The following CLTCL1 variants were observed in gnomAD, a reference collection of about 807,000 sequenced individuals.
CLTCL1 encodes the protein clathrin heavy chain like 1.
Under a neutral mutation model 190.0 loss-of-function variants are expected in CLTCL1, and 159 were observed. The observed-to-expected ratio is 0.84, with a 90% confidence interval of 0.74 to 0.95. The LOEUF (loss-of-function observed/expected upper bound fraction) is 0.95. Ranked by LOEUF, CLTCL1 falls within the 40% of genes least tolerant of loss-of-function variation. The probability of loss-of-function intolerance (pLI) is 0.00; values close to 1 mark genes in which losing one functional copy is unlikely to be tolerated. For synonymous variants in CLTCL1, 752 were observed against 769.6 expected (o/e 0.98, Z 0.38); for missense variants, 1,878 against 2,033.4 (o/e 0.92, Z 1.47).
chr22:19,288,244 T>C (rs1200464482), intron 1 of CLTCL1, among the ~76,000 whole-genome samples: 2 of 152,176 alleles, frequency 1.3e-5, no homozygotes, highest in Non-Finnish European at 2.9e-5. Context: ...GATGCTGGCA[T>C]ATTGTTATTA....
At chr22:19,256,410 G>A (rs2086759366) in intron 2 of CLTCL1, among the ~76,000 whole-genome samples, 1 of 127,118 alleles carries the variant, frequency 7.9e-6, no homozygotes, top group African/African-American at 3.0e-5. Flanking sequence ...AGGCTGGAGT[G>A]CAGTGGCATC....
chr22:19,258,636 G>A, intron 2 of CLTCL1: 1 of 633,732 alleles, frequency 1.6e-6, no homozygotes. Context: ...CAATCTGGAG[G>A]CTGAGATCAC....
At chr22:19,238,606 G>A (rs1390711149) in intron 5 of CLTCL1, 3 of 207,648 alleles carry the variant, frequency 1.4e-5, no homozygotes, top group East Asian at 1.1e-4. Context: ...AGGTCTCATA[G>A]CACGAACTCC....
chr22:19,229,905 T>G lies in CLTCL1; in HGVS notation c.1715A>C (p.Asn572Thr). ...CTSFLLDALK[N>T]NRPAEGLLQT... ...CAGGAGTCCCTCAGCTGGGCGATTA[T>G]TCTTCAAGGCATCCAATAAGAAGGA... The change falls in exon 11 of 33, where the codon AAT (asparagine) becomes ACT (threonine). Residue 572 changes from asparagine to threonine, a missense_variant. Asn to Thr is a moderately conservative substitution (Grantham distance 65, BLOSUM62 0). Transcript: ENST00000427926. The G allele has an allele frequency of 1.9e-6, 3 of 1,611,940 alleles. No homozygotes were observed. In the East Asian group the frequency reaches 6.7e-5, roughly 36 times the overall value.
chr22:19,225,760 G>A, intron 12 of CLTCL1, 127 bp from the exon 13 acceptor site: 1 of 885,368 alleles, frequency 1.1e-6, no homozygotes. Flanking sequence ...CACATAAAGG[G>A]GTTGAAAAGC....
chr22:19,261,678 G>A lies in CLTCL1; in HGVS notation c.251-7451C>T, dbSNP rs529119949. Among the ~76,000 whole-genome samples the A allele has an allele frequency of 3.4e-4, 52 of 152,320 alleles. 1 individual carries two copies. In the South Asian group the frequency reaches 0.011, roughly 32 times the overall value. ...GGTAGAAACAGCAAGAGAATTAGAAGTGGAGCCTGAAGATGGGACTGAATT... is the reference window on the plus strand; with the variant it reads ...GGTAGAAACAGCAAGAGAATTAGAAATGGAGCCTGAAGATGGGACTGAATT... On this transcript the variant is annotated intron_variant, in intron 2 of 32. Coordinates refer to ENST00000427926, the MANE Select transcript of CLTCL1 (RefSeq NM_007098.4).
rs2084349589 is a variant in CLTCL1 at position 19,187,442 on chromosome 22, C to T, written c.4605+116G>A. 1.2e-5 allele frequency: 12 copies of T among 1,031,856 alleles called. No individual in the cohort carries two copies. The South Asian group carries it at 1.7e-4, about 15-fold the overall frequency. The allele number at this position is 1,031,856 out of a possible 1,614,324, so 63.9% of individuals were successfully genotyped here. On this transcript the variant is annotated intron_variant, in intron 29 of 32. Coordinates refer to ENST00000427926, the MANE Select transcript of CLTCL1 (RefSeq NM_007098.4). ...ATCCCCCCACCCACCACGAGGATCCCCTGGTGAAGCTCAGAGCCAGGTCTC... is the reference window on the plus strand; with the variant it reads ...ATCCCCCCACCCACCACGAGGATCCTCTGGTGAAGCTCAGAGCCAGGTCTC...
Position 19,223,740 on chromosome 22 carries a change from T to C in CLTCL1, c.2292+151A>G. 3 of 823,270 alleles carry C rather than the reference T, an allele frequency of 3.6e-6. No homozygotes were observed. In the South Asian group the frequency reaches 5.3e-5, roughly 15 times the overall value. The allele number at this position is 823,270 out of a possible 1,614,324, so 51.0% of individuals were successfully genotyped here. A position where few individuals can be genotyped will look rare whatever the true frequency, so the allele number is the denominator to read the frequency against. On this transcript the variant is annotated intron_variant, in intron 14 of 32. Transcript: ENST00000427926. ...AACGATAGAAGGGTTACTTTAGAAC[T>C]TTAAGCCATAAAGTGGAGCTCTGTC...
At chr22:19,267,631 C>T (rs1233306445) in intron 2 of CLTCL1, among the ~76,000 whole-genome samples, 12 of 152,156 alleles carry the variant, frequency 7.9e-5, no homozygotes, top group Admixed American at 5.9e-4. Context: ...CAGTGGCTCA[C>T]ACCTGTAATC....
In CLTCL1 at chr22:19,222,129, A is replaced by T. The variant is rs1173190430; in HGVS notation, c.2419-36T>A. 1.9e-6 allele frequency: 3 copies of T among 1,609,716 alleles called. No homozygotes were observed. In the African/African-American group the frequency reaches 4.0e-5, roughly 22 times the overall value. ...CAAGGTCAAGTAACTTCAGTGTTGC[A>T]AACACAAGTTATTGTTAGAAGCCTC... On this transcript the variant is annotated intron_variant, in intron 15 of 32. Coordinates refer to ENST00000427926, the MANE Select transcript of CLTCL1 (RefSeq NM_007098.4).
intron 22 of CLTCL1, among the ~76,000 whole-genome samples, chr22:19,202,372 T>A (rs905508844): frequency 4.6e-5 from 7 of 150,610 alleles, no homozygotes; most frequent in African/African-American, 1.7e-4. Context: ...ACTTCCGCCA[T>A]CCACAGCACC....
chr22:19,199,473 A>G (rs1478557994), intron 24 of CLTCL1, among the ~76,000 whole-genome samples: 3 of 152,190 alleles, frequency 2.0e-5, no homozygotes, highest in Admixed American at 6.5e-5. Context: ...GGGCTTCTGA[A>G]GGCCCAATAA....
rs570944576 is a variant in CLTCL1 at position 19,235,982 on chromosome 22, T to A, written c.796-113A>T. The A allele has an allele frequency of 9.5e-6, 9 of 951,022 alleles. No homozygotes were observed. In the South Asian group the frequency reaches 1.3e-4, roughly 14 times the overall value. 58.9% of individuals were successfully genotyped at this position (951,022 alleles called of 1,614,324 possible). On this transcript the variant is annotated intron_variant, in intron 5 of 32. Coordinates refer to ENST00000427926, the MANE Select transcript of CLTCL1 (RefSeq NM_007098.4). ...TTGTTTGTTTGTTTGTTTTTTGAGA[T>A]AGGGTCGTGCTCTGTCACCCAGGCT...
chr22:19,215,790 C>T (rs1417275874), intron 19 of CLTCL1, among the ~76,000 whole-genome samples: 5 of 152,214 alleles, frequency 3.3e-5, no homozygotes, highest in Non-Finnish European at 7.3e-5. Flanking sequence ...TTCAACACAT[C>T]CTTAGGCCAC....
intron 13 of CLTCL1, among the ~76,000 whole-genome samples, chr22:19,225,196 C>T (rs1297733663): frequency 6.6e-6 from 1 of 152,184 alleles, no homozygotes; most frequent in Non-Finnish European, 1.5e-5. Flanking sequence ...GTAGACACAC[C>T]GGGCTCCATA....
Position 19,222,729 on chromosome 22 carries a change from T to C in CLTCL1, c.2373A>G (p.Leu791=). The C allele has an allele frequency of 6.3e-7, 1 of 1,596,850 alleles. No individual in the cohort carries two copies. The highest frequency in any genetic ancestry group is 8.5e-7 in the Non-Finnish European group (1 of 1,171,652). The change falls in exon 15 of 33, where the codon TTA becomes TTG. Residue 791 remains leucine (L), a synonymous_variant. Coordinates refer to ENST00000427926, the MANE Select transcript of CLTCL1 (RefSeq NM_007098.4). The part of the protein sequence containing the change: ...FGFVHDLVLY[L]YRNNLQRYIE... The stretch of plus-strand genomic sequence containing the variant: ...TGTACCTCTGCAGGTTGTTGCGGTA[T>C]AAATATAGGACAAGGTCATGGACAA...
intron 19 of CLTCL1, among the ~76,000 whole-genome samples, chr22:19,211,974 T>C (rs1344096344): frequency 3.3e-5 from 5 of 152,022 alleles, no homozygotes; most frequent in Admixed American, 3.3e-4. Flanking sequence ...AAAAAATCTA[T>C]TTAAAATACT....
rs1391901126 is a variant in CLTCL1 at position 19,240,414 on chromosome 22, G to A, written c.682-1026C>T. ...CTGTGGAGGGGCAGTCTGGGTTTGCGGTCTGGGTTTGGCCGGGCAGAGAGA... is the reference window on the plus strand; with the variant it reads ...CTGTGGAGGGGCAGTCTGGGTTTGCAGTCTGGGTTTGGCCGGGCAGAGAGA... On this transcript the variant is annotated intron_variant, in intron 4 of 32. Transcript: ENST00000427926. Among the ~76,000 whole-genome samples, 11 of 152,076 alleles carry A rather than the reference G, an allele frequency of 7.2e-5. No individual in the cohort carries two copies. The East Asian group carries it at 7.7e-4, about 11-fold the overall frequency.
chr22:19,232,750 A>C, intron 9 of CLTCL1, 152 bp from the exon 10 acceptor site: 2 of 938,602 alleles, frequency 2.1e-6, no homozygotes. Context: ...CAAACACAAT[A>C]TCCAATTAAA....
Sources: allele counts gnomAD v4.1 joint callset (sites outside exome capture counted in the v4.1 genomes callset), GRCh38; gene constraint gnomAD v4.1.1; transcripts MANE v1.5; gene names NCBI Gene and HGNC (gene_info 2026-07-23, HGNC 2026-07-21).